The following OR6N1 variants were observed in gnomAD, a reference collection of about 807,000 sequenced individuals.
OR6N1 encodes olfactory receptor 6N1.
For synonymous variants in OR6N1, 170 were observed against 150.7 expected (o/e 1.13, Z -0.94); for missense variants, 394 against 371.7 (o/e 1.06, Z -0.49).
chr1:158,824,133 T>C, the OR6N1 span, among the ~76,000 whole-genome samples: 2 of 152,130 alleles, frequency 1.3e-5, no homozygotes, highest in Admixed American at 1.3e-4. Flanking sequence ...TGAATTCCCA[T>C]GTGTTGTGGG....
At chr1:158,775,861 C>A (rs755402251), upstream of OR6N1, 2 of 152,120 alleles carry the variant, frequency 1.3e-5, no homozygotes, top group Non-Finnish European at 2.9e-5. Flanking sequence ...ATCAAGCTTT[C>A]ATGGTTAGAA....
chr1:158,838,990 A>G, the OR6N1 span, among the ~76,000 whole-genome samples: 1 of 152,116 alleles, frequency 6.6e-6, no homozygotes, highest in East Asian at 1.9e-4. Flanking sequence ...GATTTTATTT[A>G]GTTGTCTCTA....
the OR6N1 span, among the ~76,000 whole-genome samples, chr1:158,823,890 G>A: frequency 2.6e-5 from 4 of 152,162 alleles, no homozygotes; most frequent in African/African-American, 7.2e-5. Context: ...CTTTGTCCCA[G>A]AGATTCTGAT....
chr1:158,765,919 A>T lies in OR6N1; in HGVS notation c.764T>A (p.Ile255Asn), dbSNP rs1246982899. Residue 255 changes from isoleucine to asparagine, a missense_variant, in exon 2 of 2, where the codon ATC becomes AAC. Physicochemically the swap from Ile to Asn is moderately radical, Grantham distance 149 (BLOSUM62 -3). Coordinates refer to ENST00000641846, the MANE Select transcript of OR6N1 (RefSeq NM_001005185.2). Reference protein sequence around the residue: ...FTVVLIFYGSILSMYVQLKKS... With the variant: ...FTVVLIFYGSNLSMYVQLKKS... ...CTTCAGCTGCACATACATGGAAAGG[A>T]TGCTCCCATAGAAGATGAGAACCAC... The T allele has an allele frequency of 1.2e-6, 2 of 1,614,040 alleles. No individual in the cohort carries two copies. Among genetic ancestry groups the T allele is most frequent in the Non-Finnish European group, 1.7e-6 (2 of 1,180,012 alleles).
At chr1:158,830,418 C>G in the OR6N1 span, among the ~76,000 whole-genome samples, 40 of 152,188 alleles carry the variant, frequency 2.6e-4, no homozygotes, top group Non-Finnish European at 5.6e-4. Flanking sequence ...CTTTATTCTT[C>G]TCTGTAGATG....
At chr1:158,786,838 AG>A in the OR6N1 span, among the ~76,000 whole-genome samples, 1 of 151,878 alleles carries the variant, frequency 6.6e-6, no homozygotes, top group African/African-American at 2.4e-5. Context: ...TTGGGGACTC[AG>A]GGGGGAAAAG....
At chr1:158,811,799 C>T in the OR6N1 span, among the ~76,000 whole-genome samples, 11 of 152,210 alleles carry the variant, frequency 7.2e-5, no homozygotes, top group African/African-American at 2.7e-4. Flanking sequence ...CATTGAGTCT[C>T]TTCATACCAA....
At chr1:158,812,730 T>C in the OR6N1 span, among the ~76,000 whole-genome samples, 2 of 152,252 alleles carry the variant, frequency 1.3e-5, no homozygotes, top group African/African-American at 2.4e-5. Flanking sequence ...TTCTATATTA[T>C]GGACAGACTT....
Position 158,764,702 on chromosome 1 carries a change from T to C in OR6N1, c.*1042A>G, listed in dbSNP as rs961843110. The C allele has an allele frequency of 5.3e-5, 8 of 152,146 alleles. No individual in the cohort carries two copies. Among genetic ancestry groups the C allele is most frequent in the Non-Finnish European group, 1.0e-4 (7 of 67,988 alleles). The allele number at this position is 152,146 out of a possible 1,614,324, so 9.4% of individuals were successfully genotyped here. A position where few individuals can be genotyped will look rare whatever the true frequency, so the allele number is the denominator to read the frequency against. ...TTGAATCCCCAGATCTCTCATATGC[T>C]ACATTTTAGAATTATTTTTCACACG... On this transcript the variant is annotated 3_prime_UTR_variant, in exon 2 of 2. Transcript: ENST00000641846.
upstream of OR6N1, chr1:158,776,603 G>T: frequency 1.3e-6 from 1 of 753,638 alleles, no homozygotes; most frequent in Non-Finnish European, 2.2e-6. Flanking sequence ...GAAATTCAGA[G>T]CATGTGTGAT....
At chr1:158,803,872 G>C in the OR6N1 span, among the ~76,000 whole-genome samples, 1 of 152,320 alleles carries the variant, frequency 6.6e-6, no homozygotes, top group South Asian at 2.1e-4. Flanking sequence ...TCAGTAAAGA[G>C]TGCTTACTTG....
Position 158,764,306 on chromosome 1 carries a change from A to T in OR6N1, c.*1438T>A, listed in dbSNP as rs940244605. 3 of 151,384 alleles carry T rather than the reference A, an allele frequency of 2.0e-5. No homozygotes were observed. Among genetic ancestry groups the T allele is most frequent in the Non-Finnish European group, 4.4e-5 (3 of 67,812 alleles). 9.4% of individuals were successfully genotyped at this position (151,384 alleles called of 1,614,324 possible). ...AATAAACTTCAAAGACAAGTGAAAA[A>T]AAAGGAGAATGCATGTTTATCTTAA... On this transcript the variant is annotated 3_prime_UTR_variant, in exon 2 of 2. Coordinates refer to ENST00000641846, the MANE Select transcript of OR6N1 (RefSeq NM_001005185.2).
At chr1:158,824,864 C>A in the OR6N1 span, among the ~76,000 whole-genome samples, 1 of 152,070 alleles carries the variant, frequency 6.6e-6, no homozygotes, top group Admixed American at 6.6e-5. Context: ...TATAAAATCC[C>A]CAGCATATAA....
At chr1:158,807,386 C>A in the OR6N1 span, among the ~76,000 whole-genome samples, 1 of 152,200 alleles carries the variant, frequency 6.6e-6, no homozygotes, top group Non-Finnish European at 1.5e-5. Context: ...AATACTTAGT[C>A]TCTTCCAAGA....
the OR6N1 span, among the ~76,000 whole-genome samples, chr1:158,826,689 G>C: frequency 3.3e-5 from 5 of 152,178 alleles, no homozygotes; most frequent in African/African-American, 1.2e-4. Flanking sequence ...AGTTTCCAAA[G>C]GAAGAGTGAG....
chr1:158,777,763 C>G, the OR6N1 span: 1 of 623,244 alleles, frequency 1.6e-6, no homozygotes, highest in Admixed American at 3.0e-5. Flanking sequence ...TACTGTTGCC[C>G]TCACTACTAT....
chr1:158,813,400 C>A, the OR6N1 span, among the ~76,000 whole-genome samples: 1 of 151,970 alleles, frequency 6.6e-6, no homozygotes, highest in Non-Finnish European at 1.5e-5. Flanking sequence ...TTAAATCTCC[C>A]GTTTGTGAAA....
At chr1:158,823,490 T>C in the OR6N1 span, among the ~76,000 whole-genome samples, 8 of 152,182 alleles carry the variant, frequency 5.3e-5, no homozygotes, top group African/African-American at 1.9e-4. Flanking sequence ...TTCTAGTTTG[T>C]GTGCATAAGG....
chr1:158,823,906 T>A, the OR6N1 span, among the ~76,000 whole-genome samples: 1 of 152,322 alleles, frequency 6.6e-6, no homozygotes, highest in Middle Eastern at 3.4e-3. Context: ...CTGATATGTT[T>A]TATCTTTGTT....
Sources: gnomAD v4.1 joint callset for allele counts (sites outside exome capture counted in the v4.1 genomes callset) on GRCh38, gnomAD v4.1.1 for gene constraint, MANE v1.5 for transcripts, NCBI Gene and HGNC (gene_info 2026-07-23, HGNC 2026-07-21) for gene names.